The following ZBTB7C variants were observed in gnomAD, a reference collection of about 807,000 sequenced individuals.
The protein encoded by ZBTB7C is zinc finger and BTB domain containing 7C.
ZBTB7C carries 8 observed loss-of-function variants against 25.7 expected under a neutral mutation model. The observed-to-expected ratio is 0.31, with a 90% CI of 0.18 to 0.56. The LOEUF is 0.56. ZBTB7C is among the 20% of genes least tolerant of loss of function. The pLI is 0.91. For synonymous variants in ZBTB7C, 394 were observed against 369.0 expected (o/e 1.07, Z -0.78); for missense variants, 824 against 855.2 (o/e 0.96, Z 0.46).
Position 48,195,966 on chromosome 18 carries a change from A to G in ZBTB7C, c.-78-9971T>C, listed in dbSNP as rs150167556. On this transcript the variant is annotated intron_variant, in intron 2 of 4. Transcript: ENST00000590800. Reference sequence around the variant, plus strand: ...TTCCACTGGCATAAACAGGTTTGGGAATGAAGCCCAGCTGCCTCCAGGAAA... The same window carrying G: ...TTCCACTGGCATAAACAGGTTTGGGGATGAAGCCCAGCTGCCTCCAGGAAA... Among the ~76,000 whole-genome samples, 679 of 152,278 alleles carry G rather than the reference A, an allele frequency of 4.5e-3. 5 individuals are homozygous for G. The highest frequency in any genetic ancestry group is 0.015 in the African/African-American group (611 of 41,542).
At chr18:48,274,558 T>G (rs959054378) in intron 2 of ZBTB7C, among the ~76,000 whole-genome samples, 2 of 152,164 alleles carry the variant, frequency 1.3e-5, no homozygotes, top group Non-Finnish European at 2.9e-5. Flanking sequence ...CAGTCTCCCC[T>G]ATTTTCATAA....
At chr18:48,277,412 G>A (rs1598759783) in intron 2 of ZBTB7C, among the ~76,000 whole-genome samples, 1 of 151,948 alleles carries the variant, frequency 6.6e-6, no homozygotes, top group Admixed American at 6.5e-5. Flanking sequence ...ATCATCACTG[G>A]CCATCAGAGA....
intron 1 of ZBTB7C, among the ~76,000 whole-genome samples, chr18:48,374,826 C>T (rs1048147472): frequency 2.0e-5 from 3 of 152,344 alleles, no homozygotes; most frequent in East Asian, 3.9e-4. Context: ...CCTGTACCCA[C>T]CTCTCCCACC....
chr18:48,141,122 A>G (rs2040329814), intron 3 of ZBTB7C, among the ~76,000 whole-genome samples: 1 of 144,782 alleles, frequency 6.9e-6, no homozygotes, highest in Admixed American at 6.9e-5. Flanking sequence ...TACTGCAATC[A>G]CAGATAGGCA....
chr18:48,335,305 G>A (rs755263283), intron 2 of ZBTB7C, among the ~76,000 whole-genome samples: 45 of 152,282 alleles, frequency 3.0e-4, no homozygotes, highest in Non-Finnish European at 5.6e-4. Context: ...GAAATTGATC[G>A]TCACGGGGCA....
intron 3 of ZBTB7C, among the ~76,000 whole-genome samples, chr18:48,073,309 G>A (rs926545045): frequency 3.9e-5 from 6 of 152,150 alleles, no homozygotes; most frequent in Non-Finnish European, 8.8e-5. Context: ...AGACATAAAG[G>A]GCTACTGGCT....
chr18:48,187,161 G>A (rs1228327921), intron 2 of ZBTB7C, among the ~76,000 whole-genome samples: 2 of 152,150 alleles, frequency 1.3e-5, no homozygotes, highest in Non-Finnish European at 2.9e-5. Context: ...TAGCAGTGAG[G>A]GCCGGCAGAT....
intron 2 of ZBTB7C, among the ~76,000 whole-genome samples, chr18:48,258,030 T>A (rs1004173281): frequency 6.6e-6 from 1 of 151,820 alleles, no homozygotes. Flanking sequence ...CAAGACCCCA[T>A]CTCTAGGAAA....
chr18:48,138,921 G>A (rs765975195), intron 3 of ZBTB7C, among the ~76,000 whole-genome samples: 8 of 152,226 alleles, frequency 5.3e-5, no homozygotes, highest in Non-Finnish European at 8.8e-5. Context: ...TCAGCGGCCT[G>A]GGTGGAGGTG....
At chr18:48,083,811 A>G (rs2038082013) in intron 3 of ZBTB7C, 5 of 984,308 alleles carry the variant, frequency 5.1e-6, no homozygotes, top group Non-Finnish European at 6.0e-6. Flanking sequence ...TTATGAGGTT[A>G]TAAAGGGCCT....
chr18:48,376,755 G>T (rs1158168230), intron 1 of ZBTB7C, among the ~76,000 whole-genome samples: 1 of 152,204 alleles, frequency 6.6e-6, no homozygotes, highest in Non-Finnish European at 1.5e-5. Flanking sequence ...CTCTGTAAAT[G>T]CTGTTGTCAT....
At chr18:48,213,711 T>G (rs1007277022) in intron 2 of ZBTB7C, among the ~76,000 whole-genome samples, 10 of 152,230 alleles carry the variant, frequency 6.6e-5, no homozygotes, top group Non-Finnish European at 1.0e-4. Flanking sequence ...ATTTGGGTAC[T>G]GGTTCTGACT....
intron 2 of ZBTB7C, among the ~76,000 whole-genome samples, chr18:48,306,990 C>T (rs2045691840): frequency 6.6e-6 from 1 of 152,126 alleles, no homozygotes; most frequent in Non-Finnish European, 1.5e-5. Flanking sequence ...TCTGCCACCT[C>T]CTTACCACCT....
intron 2 of ZBTB7C, among the ~76,000 whole-genome samples, chr18:48,227,790 A>G (rs977373636): frequency 3.9e-5 from 6 of 152,198 alleles, no homozygotes; most frequent in African/African-American, 1.4e-4. Flanking sequence ...GAAAAGAAAA[A>G]TTATAGGCTG....
intron 2 of ZBTB7C, among the ~76,000 whole-genome samples, chr18:48,210,603 A>G (rs955489710): frequency 6.6e-6 from 1 of 152,252 alleles, no homozygotes; most frequent in African/African-American, 2.4e-5. Flanking sequence ...TTACATGTCC[A>G]GCAAAGGCAA....
intron 1 of ZBTB7C, among the ~76,000 whole-genome samples, chr18:48,351,744 A>AT (rs1278661210): frequency 1.3e-5 from 2 of 152,206 alleles, no homozygotes; most frequent in Admixed American, 1.3e-4. Context: ...GCAGTGACTG[A>AT]TTAAGATTTC....
At chr18:48,194,078 G>T (rs1209690188) in intron 2 of ZBTB7C, among the ~76,000 whole-genome samples, 1 of 152,256 alleles carries the variant, frequency 6.6e-6, no homozygotes, top group African/African-American at 2.4e-5. Context: ...AAGAGGGAGG[G>T]CTGAGCCCAG....
At chr18:48,301,231 C>G (rs776173772) in intron 2 of ZBTB7C, among the ~76,000 whole-genome samples, 6 of 152,192 alleles carry the variant, frequency 3.9e-5, no homozygotes, top group Non-Finnish European at 7.3e-5. Context: ...GTAATCCCAG[C>G]GCTTTGGGAG....
At chr18:48,082,950 T>C (rs2038047404) in intron 3 of ZBTB7C, among the ~76,000 whole-genome samples, 1 of 152,184 alleles carries the variant, frequency 6.6e-6, no homozygotes, top group Admixed American at 6.5e-5. Flanking sequence ...TGGTTGATTT[T>C]GGACAAGTGG....
Sources: allele counts gnomAD v4.1 joint callset (sites outside exome capture counted in the v4.1 genomes callset), GRCh38; gene constraint gnomAD v4.1.1; transcripts MANE v1.5; gene names NCBI Gene and HGNC (gene_info 2026-07-23, HGNC 2026-07-21).